Variants in EYS observed in about 807,000 individuals in gnomAD.
The protein encoded by EYS is protein eyes shut homolog.
A neutral mutation model predicts 282.1 loss-of-function variants in EYS; 250 were observed. The observed-to-expected ratio is 0.89, with a 90% CI of 0.80 to 0.98. The LOEUF is 0.98. Among genes scored for constraint, EYS ranks in the 50% least tolerant of loss-of-function variants. EYS has a pLI of 0.00. For missense variants in EYS, 4,016 were observed against 3,709.0 expected (o/e 1.08, Z -2.15); for synonymous variants, 1,355 against 1,282.9 (o/e 1.06, Z -1.20).
chr6:64,597,171 T>C (rs1766611883), intron 24 of EYS, among the ~76,000 whole-genome samples: 1 of 152,120 alleles, frequency 6.6e-6, no homozygotes, highest in Non-Finnish European at 1.5e-5. Flanking sequence ...TGAGATATTA[T>C]CTTACATTAG....
chr6:65,034,524 T>C (rs1320477667), intron 13 of EYS, among the ~76,000 whole-genome samples: 1 of 152,074 alleles, frequency 6.6e-6, no homozygotes, highest in Non-Finnish European at 1.5e-5. Context: ...AGTGAGTTCT[T>C]GTGAAATCTG....
chr6:64,487,406 C>T (rs1408292561), intron 26 of EYS, among the ~76,000 whole-genome samples: 1 of 150,764 alleles, frequency 6.6e-6, no homozygotes, highest in African/African-American at 2.4e-5. Context: ...AATATAATAC[C>T]ATAGAAAACT....
At chr6:65,070,486 T>C (rs918137304) in intron 12 of EYS, among the ~76,000 whole-genome samples, 2 of 151,842 alleles carry the variant, frequency 1.3e-5, no homozygotes, top group African/African-American at 4.8e-5. Context: ...TCTCCTACAA[T>C]ATTTTTCTCA....
intron 2 of EYS, among the ~76,000 whole-genome samples, chr6:65,599,227 GA>G (rs993549326): frequency 2.0e-5 from 3 of 151,686 alleles, no homozygotes; most frequent in Admixed American, 1.3e-4. Flanking sequence ...TGTAATTATT[GA>G]AAAAAATCTG....
intron 30 of EYS, among the ~76,000 whole-genome samples, chr6:64,286,424 T>G (rs1042573650): frequency 6.6e-6 from 1 of 152,128 alleles, no homozygotes; most frequent in Non-Finnish European, 1.5e-5. Context: ...CAGAGTCAAT[T>G]GAGAGTTAGT....
chr6:65,617,329 C>A (rs1375404173), intron 2 of EYS, among the ~76,000 whole-genome samples: 5 of 152,036 alleles, frequency 3.3e-5, no homozygotes, highest in African/African-American at 1.2e-4. Context: ...TTACTAGTGA[C>A]AGTCAGAATG....
chr6:65,159,442 T>C (rs979380629), intron 12 of EYS, among the ~76,000 whole-genome samples: 8 of 150,920 alleles, frequency 5.3e-5, no homozygotes, highest in Admixed American at 4.6e-4. Flanking sequence ...TTAATTTTTG[T>C]ATCTATTGTC....
intron 5 of EYS, among the ~76,000 whole-genome samples, chr6:65,440,086 A>C (rs979038155): frequency 3.9e-5 from 6 of 152,118 alleles, no homozygotes; most frequent in Non-Finnish European, 8.8e-5. Flanking sequence ...AAGTGATTCA[A>C]AAAGGATAAA....
intron 26 of EYS, among the ~76,000 whole-genome samples, chr6:64,509,536 G>A (rs1223719128): frequency 6.6e-6 from 1 of 152,138 alleles, no homozygotes; most frequent in Non-Finnish European, 1.5e-5. Flanking sequence ...AATTGATGTG[G>A]CTAGGAAAAT....
At chr6:64,249,900 G>A (rs1767150994) in intron 30 of EYS, among the ~76,000 whole-genome samples, 1 of 152,142 alleles carries the variant, frequency 6.6e-6, no homozygotes. Flanking sequence ...TTTGTTAGTT[G>A]CAACCAATAA....
chr6:64,278,375 C>A (rs543239938), intron 30 of EYS, among the ~76,000 whole-genome samples: 11 of 152,126 alleles, frequency 7.2e-5, no homozygotes, highest in East Asian at 1.9e-4. Context: ...TGAAATTATT[C>A]ATTCTTATTA....
intron 36 of EYS, among the ~76,000 whole-genome samples, chr6:63,837,164 A>G (rs1242168099): frequency 6.6e-6 from 1 of 152,104 alleles, no homozygotes; most frequent in Non-Finnish European, 1.5e-5. Context: ...AAAGAACACT[A>G]TATTTTGAGT....
intron 22 of EYS, among the ~76,000 whole-genome samples, chr6:64,678,347 G>T (rs958895757): frequency 1.3e-5 from 2 of 152,186 alleles, no homozygotes; most frequent in African/African-American, 4.8e-5. Context: ...GGAGGCCAAG[G>T]TGGGCAGATC....
Position 64,230,682 on chromosome 6 carries a change from C to G in EYS, c.6334G>C (p.Gly2112Arg). ...VCQQDVCHNG[G>R]TCHAIFLSSG... ...GAGAGGAAGATGGCATGGCATGTGC[C>G]TCCATTGTGGCATACATCCTGCTGG... The change falls in exon 31 of 43, where the codon GGC (glycine) becomes CGC (arginine). Residue 2112 changes from glycine to arginine, a missense_variant. Coordinates refer to ENST00000503581, the MANE Select transcript of EYS (RefSeq NM_001142800.2). 6.4e-7 allele frequency: 1 copy of G among 1,551,600 alleles called. No homozygotes were observed. The highest frequency in any genetic ancestry group is 1.2e-5 in the South Asian group (1 of 84,060).
chr6:64,072,379 T>C (rs980644013), intron 32 of EYS, among the ~76,000 whole-genome samples: 19 of 147,818 alleles, frequency 1.3e-4, no homozygotes, highest in African/African-American at 4.2e-4. Flanking sequence ...TAGCAGGTTG[T>C]TTTTTTTTTC....
chr6:64,422,495 G>A (rs1303134532), intron 28 of EYS, among the ~76,000 whole-genome samples: 1 of 152,156 alleles, frequency 6.6e-6, no homozygotes. Flanking sequence ...AAACCTTATG[G>A]TACTTGGTCA....
At chr6:64,011,175 G>A (rs1164514863) in intron 33 of EYS, among the ~76,000 whole-genome samples, 2 of 152,046 alleles carry the variant, frequency 1.3e-5, no homozygotes, top group Non-Finnish European at 2.9e-5. Context: ...CTTGTCTAAA[G>A]ATATGTTTGT....
chr6:65,312,644 G>A (rs181085367), intron 11 of EYS, among the ~76,000 whole-genome samples: 1 of 152,238 alleles, frequency 6.6e-6, no homozygotes, highest in South Asian at 2.1e-4. Context: ...CAAGACAAAT[G>A]TTTTACATGT....
Position 65,495,183 on chromosome 6 carries a change from C to A in EYS, c.228G>T (p.Gln76His). Reference sequence around the variant, plus strand: ...CTAATTGAATTTGCAAAGGGCAAATCTGGGGAACAGCTTGATTGCCTGAAG... The same window carrying A: ...CTAATTGAATTTGCAAAGGGCAAATATGGGGAACAGCTTGATTGCCTGAAG... Reference protein sequence around the residue: ...IDTSGNQAVPQICPLQIQLGD... With the variant: ...IDTSGNQAVPHICPLQIQLGD... The change falls in exon 4 of 43, where the codon CAG (glutamine) becomes CAT (histidine). Residue 76 changes from glutamine to histidine, a missense_variant. Physicochemically the swap from Gln to His is conservative, Grantham distance 24. Transcript: ENST00000503581. 1.2e-6 allele frequency: 2 copies of A among 1,614,072 alleles called. No homozygotes were observed. Among genetic ancestry groups the A allele is most frequent in the South Asian group, 1.1e-5 (1 of 91,080 alleles).
Sources: gnomAD v4.1 joint callset for allele counts (sites outside exome capture counted in the v4.1 genomes callset) on GRCh38, gnomAD v4.1.1 for gene constraint, MANE v1.5 for transcripts, NCBI Gene and HGNC (gene_info 2026-07-23, HGNC 2026-07-21) for gene names.